The following PKP2 variants were observed in gnomAD, a reference collection of about 807,000 sequenced individuals.
PKP2 encodes the protein plakophilin-2.
In PKP2, 73 loss-of-function variants were observed where a neutral mutation model predicts 83.4. That is an observed-to-expected ratio of 0.88 (90% confidence interval 0.72 to 1.06). The LOEUF (loss-of-function observed/expected upper bound fraction) is 1.06. Among genes scored for constraint, PKP2 ranks in the 50% least tolerant of loss-of-function variants. PKP2 has a pLI of 0.00. For synonymous variants in PKP2, 409 were observed against 430.4 expected (o/e 0.95, Z 0.62); for missense variants, 966 against 1,065.4 (o/e 0.91, Z 1.30).
At chr12:32,894,322 T>C (rs1957102438) in intron 1 of PKP2, 3 of 152,228 alleles carry the variant, frequency 2.0e-5, no homozygotes, top group African/African-American at 7.2e-5. Flanking sequence ...GTTGGCTTCC[T>C]TCTTCAAACT....
intron 9 of PKP2, among the ~76,000 whole-genome samples, chr12:32,816,818 T>G (rs202013505): frequency 1.5e-4 from 2 of 12,998 alleles, no homozygotes; most frequent in African/African-American, 4.4e-4. Flanking sequence ...GTAGTTTTGA[T>G]TTGATAATTA....
At chr12:32,794,567 A>C (rs1956103887) in intron 11 of PKP2, among the ~76,000 whole-genome samples, 1 of 152,236 alleles carries the variant, frequency 6.6e-6, no homozygotes, top group African/African-American at 2.4e-5. Flanking sequence ...CTAAGCTACC[A>C]GAAGTTTCCA....
intron 1 of PKP2, among the ~76,000 whole-genome samples, chr12:32,892,189 C>T (rs1225640659): frequency 6.6e-6 from 1 of 151,956 alleles, no homozygotes; most frequent in East Asian, 1.9e-4. Flanking sequence ...CCTGGGATTC[C>T]TTTTTGTCAA....
intron 4 of PKP2, among the ~76,000 whole-genome samples, chr12:32,860,301 A>G (rs1243735033): frequency 1.3e-5 from 2 of 152,220 alleles, no homozygotes; most frequent in East Asian, 3.8e-4. Flanking sequence ...GCTAGTATTC[A>G]GTAGAGTATT....
At chr12:32,875,507 G>A (rs761935196) in intron 3 of PKP2, among the ~76,000 whole-genome samples, 1 of 152,128 alleles carries the variant, frequency 6.6e-6, no homozygotes, top group Non-Finnish European at 1.5e-5. Flanking sequence ...GATAAGCAGA[G>A]CTGAAAACAC....
intron 6 of PKP2, among the ~76,000 whole-genome samples, chr12:32,837,564 C>T (rs1384170912): frequency 6.6e-6 from 1 of 152,130 alleles, no homozygotes; most frequent in Non-Finnish European, 1.5e-5. Context: ...GCACTCACTT[C>T]CCAGATTTTG....
chr12:32,807,568 T>C (rs1330328955), intron 9 of PKP2, among the ~76,000 whole-genome samples: 3 of 152,214 alleles, frequency 2.0e-5, no homozygotes, highest in Non-Finnish European at 4.4e-5. Flanking sequence ...GATTCTGTCA[T>C]CATGATGCTA....
At chr12:32,878,614 C>A in intron 2 of PKP2, 71 bp from the exon 3 acceptor site, 1 of 1,208,392 alleles carries the variant, frequency 8.3e-7, no homozygotes, top group Non-Finnish European at 1.2e-6. Context: ...ACTAATTACT[C>A]TGGGACTATT....
intron 1 of PKP2, 39 bp downstream of exon 1, chr12:32,896,470 G>A: frequency 7.1e-7 from 1 of 1,411,206 alleles, no homozygotes; most frequent in Non-Finnish European, 9.4e-7. Context: ...CCGGGTGTGG[G>A]GCAGGGGGCG....
Position 32,853,404 on chromosome 12 carries a change from A to AC in PKP2, c.1171-2432_1171-2431insG, listed in dbSNP as rs1488654873. Among the ~76,000 whole-genome samples, 5 of 151,820 alleles carry AC rather than the reference A, an allele frequency of 3.3e-5. No homozygotes were observed. The East Asian group carries it at 9.7e-4, about 29-fold the overall frequency. On this transcript the variant is annotated intron_variant, in intron 4 of 12. Transcript: ENST00000340811. ...TACATTTCCTTAAACGAAAAAAAAA[A>AC]AAAAAAAACCAAAATACACAATTTA... is the stretch of plus-strand genomic sequence containing the variant.
At chr12:32,870,605 C>T (rs1956887569) in intron 3 of PKP2, among the ~76,000 whole-genome samples, 1 of 151,984 alleles carries the variant, frequency 6.6e-6, no homozygotes, top group South Asian at 2.1e-4. Context: ...GGATATTACA[C>T]CTTTTAAAGG....
At chr12:32,855,094 G>C (rs766439551) in intron 4 of PKP2, among the ~76,000 whole-genome samples, 1 of 152,204 alleles carries the variant, frequency 6.6e-6, no homozygotes, top group Non-Finnish European at 1.5e-5. Flanking sequence ...GTGGCAATAT[G>C]TGTCAAAACT....
In PKP2 at chr12:32,791,899, T is replaced by G. The variant is rs1421195870; in HGVS notation, c.*525A>C. ...CAAGGGGATAAAAACAAGCACAAAG[T>G]AAAGAAAGAAACCAATAATTTTGCC... On this transcript the variant is annotated 3_prime_UTR_variant, in exon 13 of 13. Transcript: ENST00000340811. 5.9e-6 allele frequency: 1 copy of G among 169,048 alleles called. No individual in the cohort carries two copies. Among genetic ancestry groups the G allele is most frequent in the Non-Finnish European group, 1.3e-5 (1 of 77,972 alleles). The allele number at this position is 169,048 out of a possible 1,614,324, so 10.5% of individuals were successfully genotyped here. A position where few individuals can be genotyped will look rare whatever the true frequency, so the allele number is the denominator to read the frequency against.
rs144018320 is a variant in PKP2, at chr12:32,802,552, G to C, written c.2018C>G (p.Pro673Arg). 1 of 1,613,766 alleles carries C rather than the reference G, an allele frequency of 6.2e-7. No individual in the cohort carries two copies. Among genetic ancestry groups the C allele is most frequent in the Non-Finnish European group, 8.5e-7 (1 of 1,179,780 alleles). The change falls in exon 10 of 13, where the codon CCG (proline) becomes CGG (arginine). Residue 673 changes from proline to arginine, a missense_variant. By Grantham distance (103) the Pro-to-Arg change is moderately radical. Coordinates refer to ENST00000340811, the MANE Select transcript of PKP2 (RefSeq NM_001005242.3). ...GACAACTGTCTGAGCCACTGATGTC[G>C]GCATCTGTTTTGTGAGACATATCCT... ...QNLTAGSGPM[P>R]TSVAQTVVQK... is the part of the protein sequence containing the mutation.
At chr12:32,835,817 ATTTC>A (rs911149170) in intron 6 of PKP2, among the ~76,000 whole-genome samples, 2 of 151,966 alleles carry the variant, frequency 1.3e-5, no homozygotes, top group Non-Finnish European at 2.9e-5. Flanking sequence ...GAGTTTACCA[ATTTC>A]TTTCTTTCTT....
chr12:32,881,995 T>C (rs951657964), intron 1 of PKP2, among the ~76,000 whole-genome samples: 2 of 151,940 alleles, frequency 1.3e-5, no homozygotes, highest in African/African-American at 4.8e-5. Flanking sequence ...GGGGCCAGAG[T>C]ACCCTCAGCA....
Position 32,877,904 on chromosome 12 carries a change from C to CGGCCGCT in PKP2, c.975_976insAGCGGCC (p.Ala326SerfsTer12), listed in dbSNP as rs1396434491. On this transcript the variant is annotated frameshift_variant, in exon 3 of 13. Transcript: ENST00000340811. LOFTEE classifies it high-confidence loss of function. ...GTGAGCAGATTCCCACTTCCCCCTG[C>CGGCCGCT]GGCCGCCTGGCCGACAGTCAAGTGC... 2.5e-6 allele frequency: 4 copies of CGGCCGCT among 1,614,044 alleles called. No homozygotes were observed. The highest frequency in any genetic ancestry group is 3.4e-6 in the Non-Finnish European group (4 of 1,180,008).
intron 6 of PKP2, among the ~76,000 whole-genome samples, chr12:32,832,300 C>A (rs1380070066): frequency 3.9e-5 from 6 of 152,050 alleles, no homozygotes; most frequent in Non-Finnish European, 7.4e-5. Context: ...ATTACTTGAA[C>A]CTGGGAAGCG....
At chr12:32,877,701 G>T in intron 3 of PKP2, 145 bp downstream of exon 3, 1 of 719,660 alleles carries the variant, frequency 1.4e-6, no homozygotes, top group Non-Finnish European at 2.5e-6. Context: ...TGTCAATTAG[G>T]CAGCTGCCTG....
Sources: allele counts gnomAD v4.1 joint callset (sites outside exome capture counted in the v4.1 genomes callset), GRCh38; gene constraint gnomAD v4.1.1; transcripts MANE v1.5; gene names NCBI Gene and HGNC (gene_info 2026-07-23, HGNC 2026-07-21).